The following PTPRG variants were observed in gnomAD, a reference collection of about 807,000 sequenced individuals.
The protein encoded by PTPRG is protein tyrosine phosphatase receptor type G.
Under a neutral mutation model 165.3 loss-of-function variants are expected in PTPRG, and 102 were observed. That is an observed-to-expected ratio of 0.62 (90% CI 0.53 to 0.73). The LOEUF (loss-of-function observed/expected upper bound fraction) is 0.73, where lower values mean the gene tolerates loss of function less well. PTPRG is among the 30% of genes least tolerant of loss of function. The probability of loss-of-function intolerance (pLI) is 0.00; values close to 1 mark genes in which losing one functional copy is unlikely to be tolerated. For synonymous variants in PTPRG, 675 were observed against 669.5 expected, an observed-to-expected ratio of 1.01 and a Z score of -0.13; for missense variants, 1,866 against 1,861.4, an observed-to-expected ratio of 1.00 and a Z score of -0.05.
intron 6 of PTPRG, among the ~76,000 whole-genome samples, chr3:62,138,714 CA>C (rs563632840): frequency 3.6e-3 from 326 of 91,384 alleles, no homozygotes; most frequent in Middle Eastern, 0.032. Context: ...GGCAAAGCTC[CA>C]AAAAAAAAAA....
At chr3:61,929,890 A>G (rs779303426) in intron 2 of PTPRG, among the ~76,000 whole-genome samples, 2 of 152,214 alleles carry the variant, frequency 1.3e-5, no homozygotes, top group Non-Finnish European at 2.9e-5. Context: ...ATGCACAGAG[A>G]GTCGTGGATA....
chr3:61,747,657 C>T (rs925209864), intron 1 of PTPRG, among the ~76,000 whole-genome samples: 3 of 151,968 alleles, frequency 2.0e-5, no homozygotes, highest in African/African-American at 4.8e-5. Context: ...TAATGACTGT[C>T]ACATTGTCTA....
chr3:62,100,342 C>G (rs1702247011), intron 5 of PTPRG, among the ~76,000 whole-genome samples: 1 of 152,070 alleles, frequency 6.6e-6, no homozygotes, highest in African/African-American at 2.4e-5. Context: ...AAACAGAAAA[C>G]CGACACTTTG....
intron 2 of PTPRG, among the ~76,000 whole-genome samples, chr3:61,937,775 T>A (rs534205329): frequency 2.6e-5 from 4 of 152,336 alleles, no homozygotes; most frequent in Non-Finnish European, 5.9e-5. Context: ...GCTGTGCCAC[T>A]TCCACCTCCC....
intron 28 of PTPRG, among the ~76,000 whole-genome samples, chr3:62,285,109 C>T (rs1380562793): frequency 1.3e-5 from 2 of 152,078 alleles, no homozygotes; most frequent in Non-Finnish European, 2.9e-5. Context: ...GACTGTCACT[C>T]TCACATTGCT....
chr3:61,720,041 C>T (rs1456951334), intron 1 of PTPRG, among the ~76,000 whole-genome samples: 1 of 152,090 alleles, frequency 6.6e-6, no homozygotes, highest in Non-Finnish European at 1.5e-5. Context: ...ATTTGTCATT[C>T]TATATGTTTT....
intron 1 of PTPRG, among the ~76,000 whole-genome samples, chr3:61,735,503 G>C (rs1229062284): frequency 6.6e-6 from 1 of 150,804 alleles, no homozygotes; most frequent in East Asian, 2.0e-4. Flanking sequence ...GTGGTTGCCT[G>C]GGCAATACTA....
chr3:61,637,464 G>A (rs1235127925), intron 1 of PTPRG, among the ~76,000 whole-genome samples: 1 of 152,128 alleles, frequency 6.6e-6, no homozygotes, highest in Admixed American at 6.5e-5. Flanking sequence ...TGTTGGTAAG[G>A]GCTGGATTTC....
intron 1 of PTPRG, among the ~76,000 whole-genome samples, chr3:61,651,423 T>C (rs1335399768): frequency 6.6e-6 from 1 of 152,078 alleles, no homozygotes; most frequent in African/African-American, 2.4e-5. Context: ...CAGCCATTGA[T>C]TTATATGCTC....
intron 5 of PTPRG, among the ~76,000 whole-genome samples, chr3:62,088,310 T>C (rs1701817383): frequency 6.6e-6 from 1 of 152,224 alleles, no homozygotes; most frequent in African/African-American, 2.4e-5. Context: ...CTCAGCTTTA[T>C]GGTCATCAAC....
At position 62,278,240 on chromosome 3, in the gene PTPRG, T is replaced by G. The variant is rs141063600; in HGVS notation, c.3765+561T>G. Among the ~76,000 whole-genome samples, 228 of 152,180 alleles carry G rather than the reference T, an allele frequency of 1.5e-3. 2 individuals carry two copies. The highest frequency in any genetic ancestry group is 2.3e-3 in the Non-Finnish European group (153 of 67,978). On this transcript the variant is annotated intron_variant, in intron 26 of 29. Coordinates refer to ENST00000474889, the MANE Select transcript of PTPRG (RefSeq NM_002841.4). ...ATGCTTATATAATCATTTTACTGTA[T>G]GTCTTACCCCAAAATATTGTATCAA...
At chr3:61,883,898 TAG>T (rs1409044358) in intron 2 of PTPRG, among the ~76,000 whole-genome samples, 2 of 152,180 alleles carry the variant, frequency 1.3e-5, no homozygotes, top group African/African-American at 4.8e-5. Flanking sequence ...TTGTTTTTTG[TAG>T]AGACAGGGTC....
intron 17 of PTPRG, 54 bp downstream of exon 17, chr3:62,262,948 C>A: frequency 7.3e-7 from 1 of 1,369,484 alleles, no homozygotes. Flanking sequence ...AATTTTCATG[C>A]TGGGTATAAG....
rs1045218711 is a variant in PTPRG, at chr3:62,273,585, G to A, written c.3319-113G>A. The A allele has an allele frequency of 1.1e-5, 11 of 1,046,478 alleles. No individual in the cohort carries two copies. The highest frequency in any genetic ancestry group is 2.0e-5 in the Admixed American group (1 of 50,630). 64.8% of individuals were successfully genotyped at this position (1,046,478 alleles called of 1,614,324 possible). A position where few individuals can be genotyped will look rare whatever the true frequency, so the allele number is the denominator to read the frequency against. The stretch of plus-strand genomic sequence containing the variant: ...AATCACCTAGCTGTAAGTGCTTGAA[G>A]GAAATCACTGGGAGGTCCCTGTTAG... On this transcript the variant is annotated intron_variant, in intron 22 of 29. Coordinates refer to ENST00000474889, the MANE Select transcript of PTPRG (RefSeq NM_002841.4). The surrounding 1 kb of genome is among the most constrained non-coding windows in gnomAD (Gnocchi z 4.1).
chr3:62,226,541 TTTC>T (rs1391394080), intron 13 of PTPRG, among the ~76,000 whole-genome samples: 5 of 152,324 alleles, frequency 3.3e-5, no homozygotes, highest in South Asian at 2.1e-4. Context: ...CAGTGCTAGT[TTTC>T]TTGATATTAA....
At chr3:61,687,590 G>A (rs1333858426) in intron 1 of PTPRG, among the ~76,000 whole-genome samples, 1 of 152,194 alleles carries the variant, frequency 6.6e-6, no homozygotes, top group Non-Finnish European at 1.5e-5. Context: ...AACAAAAAAA[G>A]GAGTTTTTAA....
At chr3:61,928,031 T>C (rs1443451808) in intron 2 of PTPRG, among the ~76,000 whole-genome samples, 3 of 152,122 alleles carry the variant, frequency 2.0e-5, no homozygotes, top group African/African-American at 7.2e-5. Context: ...GAATGAGAGT[T>C]TTTTGTAAAG....
intron 2 of PTPRG, among the ~76,000 whole-genome samples, chr3:61,903,356 C>CTGATACTGCACTGCACAAGCCAATA (rs1226012468): frequency 2.6e-5 from 4 of 152,148 alleles, no homozygotes; most frequent in African/African-American, 4.8e-5. Flanking sequence ...ACTGCAGTCA[C>CTGATACTGCACTGCACAAGCCAATA]GTGGCTATTG....
At chr3:61,998,348 C>T (rs1311832874) in intron 3 of PTPRG, among the ~76,000 whole-genome samples, 1 of 152,196 alleles carries the variant, frequency 6.6e-6, no homozygotes, top group Non-Finnish European at 1.5e-5. Flanking sequence ...AGGATAATAA[C>T]CTTCCTAAAG....
Sources: allele counts gnomAD v4.1 joint callset (sites outside exome capture counted in the v4.1 genomes callset), GRCh38; gene constraint gnomAD v4.1.1; non-coding constraint Gnocchi (gnomAD v3.1); transcripts MANE v1.5; gene names NCBI Gene and HGNC (gene_info 2026-07-23, HGNC 2026-07-21).